The following LMO7 variants were observed in gnomAD, a reference collection of about 807,000 sequenced individuals.
LMO7 encodes the protein LIM domain only protein 7.
In LMO7, 120 loss-of-function variants were observed where a neutral mutation model predicts 206.5. That is an observed-to-expected ratio of 0.58 (90% CI 0.50 to 0.68). The LOEUF (loss-of-function observed/expected upper bound fraction) is 0.68. Ranked by LOEUF, LMO7 falls within the 30% of genes least tolerant of loss-of-function variation. LMO7 has a pLI of 0.00. For synonymous variants in LMO7, 706 were observed against 681.5 expected (o/e 1.04, Z -0.56); for missense variants, 1,959 against 1,957.9 (o/e 1.00, Z -0.01).
chr13:75,655,853 G>A (rs996199485), intron 1 of LMO7, among the ~76,000 whole-genome samples: 2 of 152,006 alleles, frequency 1.3e-5, no homozygotes, highest in Non-Finnish European at 2.9e-5. Context: ...CCTGAGGTGT[G>A]TGGTTAATCT....
Position 75,763,651 on chromosome 13 carries a change from C to T in LMO7, c.317+2613C>T, listed in dbSNP as rs542286076. Among the ~76,000 whole-genome samples, 99 of 152,168 alleles carry T rather than the reference C, an allele frequency of 6.5e-4. No homozygotes were observed. In the Middle Eastern group the frequency reaches 0.01, roughly 16 times the overall value. On this transcript the variant is annotated intron_variant, in intron 4 of 30. Transcript: ENST00000377534. ...TTATAACTGCCCAGACTGAATCTAC[C>T]GGTGCATAGACTTGTTGTTGGCCTT...
intron 2 of LMO7, among the ~76,000 whole-genome samples, chr13:75,716,094 G>GA (rs1227008197): frequency 2.8e-4 from 43 of 152,076 alleles, no homozygotes; most frequent in Non-Finnish European, 2.2e-4. Context: ...TTGCCTATTA[G>GA]AAACCTCTAG....
At chr13:75,630,261 G>C (rs2034738627) in intron 2 of LMO7, among the ~76,000 whole-genome samples, 1 of 152,144 alleles carries the variant, frequency 6.6e-6, no homozygotes, top group Admixed American at 6.5e-5. Flanking sequence ...CTGTAGATAT[G>C]GAAACCCAGT....
chr13:75,844,380 T>A (rs1331440101), intron 25 of LMO7, among the ~76,000 whole-genome samples: 1 of 150,676 alleles, frequency 6.6e-6, no homozygotes, highest in Non-Finnish European at 1.5e-5. Flanking sequence ...TATATTGTCA[T>A]TACTACTATT....
chr13:75,678,973 A>T (rs1032590815), intron 1 of LMO7, among the ~76,000 whole-genome samples: 6 of 152,136 alleles, frequency 3.9e-5, no homozygotes, highest in African/African-American at 1.4e-4. Flanking sequence ...TTATTTGATC[A>T]TGTTTGTTGT....
chr13:75,745,165 A>T (rs1355961985), intron 3 of LMO7, among the ~76,000 whole-genome samples: 1 of 152,094 alleles, frequency 6.6e-6, no homozygotes, highest in Non-Finnish European at 1.5e-5. Flanking sequence ...TTCCAGACAG[A>T]GGAACAGAGA....
Position 75,636,656 on chromosome 13 carries a change from C to A in LMO7, c.-2C>A, listed in dbSNP as rs370711281. 2 of 1,601,592 alleles carry A rather than the reference C, an allele frequency of 1.2e-6. No homozygotes were observed. The highest frequency in any genetic ancestry group is 1.6e-4 in the Middle Eastern group (1 of 6,064). On this transcript the variant is annotated 5_prime_UTR_variant, in exon 1 of 31. Transcript: ENST00000377534. Reference sequence around the variant, plus strand: ...TCTCTCTCTCCCTCCCTTGTCCTAGCCATGGAAGGGCTGGAGGAGGCAGAG... The same window carrying A: ...TCTCTCTCTCCCTCCCTTGTCCTAGACATGGAAGGGCTGGAGGAGGCAGAG...
At chr13:75,704,256 A>AC (rs1393301292) in intron 1 of LMO7, among the ~76,000 whole-genome samples, 2 of 152,154 alleles carry the variant, frequency 1.3e-5, no homozygotes, top group African/African-American at 4.8e-5. Flanking sequence ...ATTATGGCAA[A>AC]CATGGCTCTT....
At chr13:75,699,593 G>A (rs1007464717) in intron 1 of LMO7, among the ~76,000 whole-genome samples, 2 of 151,096 alleles carry the variant, frequency 1.3e-5, no homozygotes, top group African/African-American at 4.8e-5. Flanking sequence ...AAACCAACAC[G>A]TCTTTATTAG....
chr13:75,763,626 T>C (rs2048468576), intron 4 of LMO7, among the ~76,000 whole-genome samples: 1 of 152,136 alleles, frequency 6.6e-6, no homozygotes, highest in Non-Finnish European at 1.5e-5. Context: ...AAATGCTGTA[T>C]TATAACTGCC....
At position 75,636,356 on chromosome 13, in the gene LMO7, C is replaced by T. The variant is rs1437844286; in HGVS notation, c.-302C>T. The T allele has an allele frequency of 8.1e-7, 1 of 1,236,740 alleles. No individual in the cohort carries two copies. Among genetic ancestry groups the T allele is most frequent in the Non-Finnish European group, 1.0e-6 (1 of 984,576 alleles). 76.6% of individuals were successfully genotyped at this position (1,236,740 alleles called of 1,614,324 possible). A position where few individuals can be genotyped will look rare whatever the true frequency, so the allele number is the denominator to read the frequency against. On this transcript the variant is annotated 5_prime_UTR_variant, in exon 1 of 31. Coordinates refer to ENST00000377534, the MANE Select transcript of LMO7 (RefSeq NM_001306080.2). ...AACTGTCGTCGGGGCTGGTGCCGCG[C>T]GCTGCCGCTGGGCACCCGCTTCGCT...
At chr13:75,668,491 G>C (rs1185085595) in intron 1 of LMO7, among the ~76,000 whole-genome samples, 1 of 152,150 alleles carries the variant, frequency 6.6e-6, no homozygotes, top group East Asian at 1.9e-4. Context: ...TCTGAAGGCA[G>C]GTGAGACAGT....
chr13:75,748,085 G>A (rs2046996092), intron 3 of LMO7, among the ~76,000 whole-genome samples: 2 of 152,168 alleles, frequency 1.3e-5, no homozygotes, highest in South Asian at 4.1e-4. Context: ...AGGGTTATGA[G>A]CCAAGGAATG....
chr13:75,786,464 T>A (rs1445893403), intron 4 of LMO7, among the ~76,000 whole-genome samples: 2 of 151,256 alleles, frequency 1.3e-5, no homozygotes, highest in Non-Finnish European at 2.9e-5. Context: ...AAGCTCCACC[T>A]CCCAAGTTCA....
chr13:75,674,543 T>C lies in LMO7; in HGVS notation c.69+37817T>C, dbSNP rs571947994. ...AAAAATATAATTGAAGTAAAAACACTTGTGAAAAAAGTTCCAACTTCTGGC... is the reference window on the plus strand; with the variant it reads ...AAAAATATAATTGAAGTAAAAACACCTGTGAAAAAAGTTCCAACTTCTGGC... On this transcript the variant is annotated intron_variant, in intron 1 of 30. Coordinates refer to ENST00000377534, the MANE Select transcript of LMO7 (RefSeq NM_001306080.2). 1.1e-3 allele frequency among the ~76,000 whole-genome samples: 160 copies of C among 152,326 alleles called. No homozygotes were observed. The South Asian group carries it at 0.012, about 12-fold the overall frequency.
At chr13:75,693,877 C>T (rs181016485) in intron 1 of LMO7, among the ~76,000 whole-genome samples, 9 of 152,280 alleles carry the variant, frequency 5.9e-5, no homozygotes, top group Admixed American at 2.6e-4. Flanking sequence ...CTTGCTGTCT[C>T]TCATTGTACC....
chr13:75,760,155 C>G (rs1295276820), intron 3 of LMO7, among the ~76,000 whole-genome samples: 1 of 151,812 alleles, frequency 6.6e-6, no homozygotes, highest in Non-Finnish European at 1.5e-5. Context: ...ATAGCATATA[C>G]TGTAATCTGT....
At position 75,814,964 on chromosome 13, in the gene LMO7, G is replaced by T. The variant is rs562271356; in HGVS notation, c.1947-2197G>T. Among the ~76,000 whole-genome samples, 135 of 152,248 alleles carry T rather than the reference G, an allele frequency of 8.9e-4. 1 individual carries two copies. The highest frequency in any genetic ancestry group is 2.9e-3 in the African/African-American group (121 of 41,548). On this transcript the variant is annotated intron_variant, in intron 11 of 30. Coordinates refer to ENST00000377534, the MANE Select transcript of LMO7 (RefSeq NM_001306080.2). ...GCATGGTACTGATGAGCACAGAGAA[G>T]GAGGTAGGAACCAGGGATGGCGGAC...
chr13:75,796,786 A>G (rs2054071986), intron 6 of LMO7, 37 bp downstream of exon 6: 1 of 1,219,434 alleles, frequency 8.2e-7, no homozygotes. Context: ...TACTGCTGTA[A>G]TACAGTATCA....
Sources: gnomAD v4.1 joint callset for allele counts (sites outside exome capture counted in the v4.1 genomes callset) on GRCh38, gnomAD v4.1.1 for gene constraint, MANE v1.5 for transcripts, NCBI Gene and HGNC (gene_info 2026-07-23, HGNC 2026-07-21) for gene names.